Variants in CCND3 observed in about 807,000 individuals in gnomAD.
The protein encoded by CCND3 is cyclin D3.
In CCND3, 9 loss-of-function variants were observed where a neutral mutation model predicts 28.7. The observed-to-expected ratio is 0.31, with a 90% CI of 0.19 to 0.55. CCND3 has a LOEUF of 0.55. Among genes scored for constraint, CCND3 ranks in the 20% least tolerant of loss-of-function variants. CCND3 has a pLI of 0.93. For synonymous variants in CCND3, 164 were observed against 163.9 expected (o/e 1.00, Z 0.00); for missense variants, 315 against 385.8 (o/e 0.82, Z 1.54).
At chr6:41,953,599 C>A (rs541712048) in intron 1 of CCND3, among the ~76,000 whole-genome samples, 1 of 152,172 alleles carries the variant, frequency 6.6e-6, no homozygotes, top group South Asian at 2.1e-4. Flanking sequence ...ACCACTCCCA[C>A]CTTCACCACT....
At chr6:42,013,762 C>T (rs1763406655) in intron 1 of CCND3, among the ~76,000 whole-genome samples, 1 of 152,184 alleles carries the variant, frequency 6.6e-6, no homozygotes, top group Non-Finnish European at 1.5e-5. Flanking sequence ...TCCCTTCCAG[C>T]GCCAAGCCAT....
chr6:41,938,662 C>T lies in CCND3; in HGVS notation c.415-1268G>A, dbSNP rs749701675. ...CCCCATATCCAGGCAACCAGAGAAT[C>T]CCAGTGTTAACTGGTGGAGAACACA... On this transcript the variant is annotated intron_variant, in intron 2 of 4. Coordinates refer to ENST00000372991, the MANE Select transcript of CCND3 (RefSeq NM_001760.5). The surrounding 1 kb of genome is among the most constrained non-coding windows in gnomAD (Gnocchi z 4.6). Among the ~76,000 whole-genome samples, 21 of 152,202 alleles carry T rather than the reference C, an allele frequency of 1.4e-4. No homozygotes were observed. The highest frequency in any genetic ancestry group is 2.9e-4 in the Non-Finnish European group (20 of 68,038).
At chr6:42,010,862 T>C (rs1157535381) in intron 1 of CCND3, 1 of 146,506 alleles carries the variant, frequency 6.8e-6, no homozygotes, top group African/African-American at 2.4e-5. Context: ...AGTTCCTCTA[T>C]AGGCAACTAT....
At chr6:42,017,790 G>A (rs1331902663) in intron 1 of CCND3, among the ~76,000 whole-genome samples, 2 of 152,202 alleles carry the variant, frequency 1.3e-5, no homozygotes, top group Non-Finnish European at 1.5e-5. Context: ...AAAAGGTTGT[G>A]TAGGTAGAAG....
At position 41,941,530 on chromosome 6, in the gene CCND3, G is replaced by A. The variant is rs545476294; in HGVS notation, c.120C>T (p.Pro40=). Residue 40 remains proline (P), a synonymous_variant, in exon 1 of 5, where the codon CCC becomes CCT. Transcript: ENST00000372991. This position sits in a 1 kb window ranked among gnomAD's most constrained non-coding sequence, Gnocchi z 6.1. ...SLLRLEERYV[P]RASYFQCVQR... is the part of the protein sequence containing the mutation. Reference sequence around the variant, plus strand: ...GCACGCACTGGAAGTAGGAGGCGCGGGGTACGTAGCGCTCCTCCAGGCGGA... The same window carrying A: ...GCACGCACTGGAAGTAGGAGGCGCGAGGTACGTAGCGCTCCTCCAGGCGGA... The A allele has an allele frequency of 3.4e-5, 55 of 1,604,802 alleles. No individual in the cohort carries two copies. The Middle Eastern group carries it at 1.6e-3, about 46-fold the overall frequency.
At position 41,986,261 on chromosome 6, in the gene CCND3, G is replaced by C. The variant is rs372551528; in HGVS notation, c.-45-45676C>G. On this transcript the variant is annotated intron_variant, in intron 1 of 4. Coordinates refer to the CCND3 transcript ENST00000372988. ...GCTCAAGATTGTTTTGGCTATTCAT[G>C]ATCTTTTGTGGTTTCATATGAATTT... is the stretch of plus-strand genomic sequence containing the variant. Among the ~76,000 whole-genome samples, 7 of 152,038 alleles carry C rather than the reference G, an allele frequency of 4.6e-5. No homozygotes were observed. The South Asian group carries it at 1.2e-3, about 27-fold the overall frequency.
chr6:41,981,721 A>G (rs1251479350), intron 1 of CCND3, among the ~76,000 whole-genome samples: 1 of 151,538 alleles, frequency 6.6e-6, no homozygotes, highest in Non-Finnish European at 1.5e-5. Flanking sequence ...ATGGGGTTTC[A>G]CCATGTTGCC....
upstream of CCND3, chr6:42,049,860 G>A (rs940246083): frequency 1.4e-4 from 22 of 152,192 alleles, no homozygotes; most frequent in African/African-American, 4.8e-4. Context: ...AGATTCCCAA[G>A]CCCCTCTTCC....
intron 1 of CCND3, among the ~76,000 whole-genome samples, chr6:41,992,017 G>A (rs945632242): frequency 2.6e-5 from 4 of 152,208 alleles, no homozygotes; most frequent in African/African-American, 9.6e-5. Flanking sequence ...AGGTTGATTC[G>A]ATATCTTGAT....
intron 1 of CCND3, among the ~76,000 whole-genome samples, chr6:41,965,258 C>T (rs184691643): frequency 3.3e-5 from 5 of 151,926 alleles, no homozygotes; most frequent in Admixed American, 2.6e-4. Context: ...TTAGTAGAGA[C>T]GGGGTTTCAC....
chr6:42,018,508 T>G (rs2127431807), intron 1 of CCND3: 1 of 152,246 alleles, frequency 6.6e-6, no homozygotes, highest in Admixed American at 6.5e-5. Context: ...GCTGCGAAAG[T>G]GAGCACCTGA....
At chr6:42,000,059 C>T (rs1343310931) in intron 1 of CCND3, among the ~76,000 whole-genome samples, 1 of 113,870 alleles carries the variant, frequency 8.8e-6, no homozygotes, top group Non-Finnish European at 1.9e-5. Context: ...TGTGTGTGTG[C>T]ATATGTGTAT....
intron 1 of CCND3, among the ~76,000 whole-genome samples, chr6:41,949,813 G>A (rs970881499): frequency 3.3e-5 from 5 of 151,268 alleles, no homozygotes; most frequent in Non-Finnish European, 7.4e-5. Flanking sequence ...CAACCTACAG[G>A]GCCGGGTGTG....
upstream of CCND3, among the ~76,000 whole-genome samples, chr6:41,946,511 G>A (rs1212760288): frequency 1.5e-5 from 2 of 131,440 alleles, no homozygotes; most frequent in East Asian, 5.2e-4. Context: ...TGAGGCAGGA[G>A]AATTGTTTGA....
At chr6:41,997,677 A>T (rs1762848571) in intron 1 of CCND3, among the ~76,000 whole-genome samples, 2 of 152,108 alleles carry the variant, frequency 1.3e-5, no homozygotes, top group Non-Finnish European at 2.9e-5. Context: ...GGATCACTTG[A>T]GCCCAGGAGT....
chr6:42,013,432 A>G (rs1763397805), intron 1 of CCND3, among the ~76,000 whole-genome samples: 1 of 152,194 alleles, frequency 6.6e-6, no homozygotes, highest in African/African-American at 2.4e-5. Flanking sequence ...AAGCTATAGG[A>G]GGGCAGGGTT....
At chr6:42,025,683 T>C (rs1763856085) in intron 1 of CCND3, among the ~76,000 whole-genome samples, 1 of 152,190 alleles carries the variant, frequency 6.6e-6, no homozygotes, top group Non-Finnish European at 1.5e-5. Context: ...GCCTATCAGA[T>C]GCATTCATGG....
rs1199736298 is a variant in CCND3 at position 41,938,261 on chromosome 6, T to G, written c.415-867A>C. 6.6e-6 allele frequency: 1 copy of G among 152,176 alleles called. No individual in the cohort carries two copies. The highest frequency in any genetic ancestry group is 2.4e-5 in the African/African-American group (1 of 41,424). 9.4% of individuals were successfully genotyped at this position (152,176 alleles called of 1,614,324 possible). A position where few individuals can be genotyped will look rare whatever the true frequency, so the allele number is the denominator to read the frequency against. On this transcript the variant is annotated intron_variant, in intron 2 of 4. Coordinates refer to ENST00000372991, the MANE Select transcript of CCND3 (RefSeq NM_001760.5). The surrounding 1 kb of genome is among the most constrained non-coding windows in gnomAD (Gnocchi z 4.6). ...TGGCCCCATTTCTGAGTTGCACACA[T>G]GAGGATTTCTTCATTGTTTTATCTC...
chr6:41,971,954 A>T (rs1477436163), intron 1 of CCND3, among the ~76,000 whole-genome samples: 2 of 149,898 alleles, frequency 1.3e-5, no homozygotes, highest in African/African-American at 4.9e-5. Flanking sequence ...GGCCGGGCGC[A>T]GTGGCTCACG....
Sources: allele counts gnomAD v4.1 joint callset (sites outside exome capture counted in the v4.1 genomes callset), GRCh38; gene constraint gnomAD v4.1.1; non-coding constraint Gnocchi (gnomAD v3.1); transcripts MANE v1.5; gene names NCBI Gene and HGNC (gene_info 2026-07-23, HGNC 2026-07-21).